Variants in ACADVL observed in about 807,000 individuals in gnomAD.
ACADVL encodes acyl-CoA dehydrogenase very long chain.
A neutral mutation model predicts 80.4 loss-of-function variants in ACADVL; 73 were observed. That is an observed-to-expected ratio of 0.91 (90% CI 0.75 to 1.10). The LOEUF is 1.10. Ranked by LOEUF, ACADVL falls within the 50% of genes least tolerant of loss-of-function variation. The probability of loss-of-function intolerance (pLI) is 0.00; values close to 1 mark genes in which losing one functional copy is unlikely to be tolerated. For missense variants in ACADVL, 878 were observed against 858.9 expected (o/e 1.02, Z -0.28); for synonymous variants, 392 against 326.5 (o/e 1.20, Z -2.16).
chr17:7,223,014 G>C, intron 10 of ACADVL, 119 bp from the exon 11 acceptor site: 1 of 1,442,824 alleles, frequency 6.9e-7, no homozygotes, highest in Non-Finnish European at 9.7e-7. Flanking sequence ...TCTCCATCCA[G>C]CGTAGACTGA....
At chr17:7,218,382 C>G, upstream of ACADVL, 1 of 1,439,786 alleles carries the variant, frequency 6.9e-7, no homozygotes, top group South Asian at 1.2e-5. Context: ...GGGAGGAGCC[C>G]TTTCAGCCAA....
intron 10 of ACADVL, 124 bp from the exon 11 acceptor site, chr17:7,223,005 CTCCA>C (rs1216345762): frequency 7.0e-7 from 1 of 1,436,084 alleles, no homozygotes; most frequent in Admixed American, 1.7e-5. Context: ...TAGCTTAGGT[CTCCA>C]TCCAGCGTAG....
upstream of ACADVL, chr17:7,217,679 G>T (rs980177734): frequency 3.4e-6 from 5 of 1,472,540 alleles, no homozygotes; most frequent in Non-Finnish European, 4.5e-6. Flanking sequence ...GAATGGGGGG[G>T]GTGCCTTGGC....
At position 7,224,129 on chromosome 17, in the gene ACADVL, A is replaced by G; in HGVS notation, c.1435-17A>G. 1 of 1,613,678 alleles carries G rather than the reference A, an allele frequency of 6.2e-7. No individual in the cohort carries two copies. Among genetic ancestry groups the G allele is most frequent in the Non-Finnish European group, 8.5e-7 (1 of 1,179,856 alleles). On this transcript the variant is annotated splice_polypyrimidine_tract_variant and intron_variant, in intron 14 of 19. Transcript: ENST00000356839. ...GAGGACAGTGAGTCCTGACTGCTGGACCCTCTTCCCCCATAGGACAAAGGA... is the reference window on the plus strand; with the variant it reads ...GAGGACAGTGAGTCCTGACTGCTGGGCCCTCTTCCCCCATAGGACAAAGGA...
upstream of ACADVL, chr17:7,218,303 G>A (rs2071027423): frequency 1.2e-6 from 2 of 1,604,140 alleles, no homozygotes; most frequent in Non-Finnish European, 1.7e-6. Flanking sequence ...ACAGAACTGA[G>A]TTACCTCCCC....
upstream of ACADVL, chr17:7,219,780 G>A (rs559165545): frequency 5.6e-5 from 83 of 1,495,036 alleles, no homozygotes; most frequent in East Asian, 1.7e-3. Context: ...GGAGACGAGG[G>A]ACGCTTGGAG....
chr17:7,224,794 C>G lies in ACADVL; in HGVS notation c.1752-15C>G. ...AGCCGGCCCAGATTTATTTTCATCT[C>G]CTGCTTCCTGCCAGGGCCTCAAGAT... On this transcript the variant is annotated splice_polypyrimidine_tract_variant and intron_variant, in intron 18 of 19. Transcript: ENST00000356839. 6.2e-7 allele frequency: 1 copy of G among 1,614,044 alleles called. No individual in the cohort carries two copies. Among genetic ancestry groups the G allele is most frequent in the East Asian group, 2.2e-5 (1 of 44,886 alleles).
rs772898391 is a variant in ACADVL at position 7,221,984 on chromosome 17, C to A, written c.655C>A (p.Pro219Thr). Reference sequence around the variant, plus strand: ...TGTGGCCGCTTTCTGTCTAACCGAGCCCTCAAGCGGGTCAGATGCAGCCTC... The same window carrying A: ...TGTGGCCGCTTTCTGTCTAACCGAGACCTCAAGCGGGTCAGATGCAGCCTC... Reference protein sequence around the residue: ...ETVAAFCLTEPSSGSDAASIR... With the variant: ...ETVAAFCLTETSSGSDAASIR... Residue 219 changes from proline (P) to threonine (T), a missense_variant, in exon 8 of 20, where the codon CCC becomes ACC. Coordinates refer to ENST00000356839, the MANE Select transcript of ACADVL (RefSeq NM_000018.4). 1.2e-5 allele frequency: 20 copies of A among 1,614,012 alleles called. No individual in the cohort carries two copies. Among genetic ancestry groups the A allele is most frequent in the Non-Finnish European group, 1.1e-5 (13 of 1,180,020 alleles).
At chr17:7,222,987 C>T (rs1190416210) in intron 10 of ACADVL, 122 bp downstream of exon 10, 13 of 1,452,092 alleles carry the variant, frequency 9.0e-6, no homozygotes, top group Middle Eastern at 2.4e-4. Flanking sequence ...ACCAGCAGCC[C>T]GACTTGCTAG....
At chr17:7,222,982 C>G in intron 10 of ACADVL, 117 bp downstream of exon 10, 1 of 1,456,094 alleles carries the variant, frequency 6.9e-7, no homozygotes, top group Non-Finnish European at 9.5e-7. Flanking sequence ...CCCCTACCAG[C>G]AGCCCGACTT....
Position 7,223,989 on chromosome 17 carries a change from C to T in ACADVL, c.1354C>T (p.Leu452Phe). 2.5e-6 allele frequency: 4 copies of T among 1,614,104 alleles called. No homozygotes were observed. The highest frequency in any genetic ancestry group is 3.4e-6 in the Non-Finnish European group (4 of 1,180,022). ...FMKEPGVERV[L>F]RDLRIFRIFE... ...CTAGGAACCTGGAGTAGAGCGTGTG[C>T]TCCGAGATCTTCGCATCTTCCGGAT... Residue 452 changes from leucine (L) to phenylalanine (F), a missense_variant, in exon 14 of 20, where the codon CTC becomes TTC. Coordinates refer to ENST00000356839, the MANE Select transcript of ACADVL (RefSeq NM_000018.4).
chr17:7,217,370 A>C, upstream of ACADVL: 1 of 72,390 alleles, frequency 1.4e-5, no homozygotes, highest in Non-Finnish European at 2.1e-5. Flanking sequence ...TCCCCAGTGG[A>C]GGGGAGGGGG....
Position 7,220,989 on chromosome 17 carries a change from C to T in ACADVL, c.408C>T (p.Leu136=). ...TGGAGGAGACCACTTGGCAGGGCCTCAAGGAGCTGGGGGCCTTTGGTCTGC... is the reference window on the plus strand; with the variant it reads ...TGGAGGAGACCACTTGGCAGGGCCTTAAGGAGCTGGGGGCCTTTGGTCTGC... ...EMVEETTWQG[L]KELGAFGLQV... Residue 136 remains leucine, a synonymous_variant, in exon 6 of 20, where the codon CTC becomes CTT. Coordinates refer to ENST00000356839, the MANE Select transcript of ACADVL (RefSeq NM_000018.4). 6.2e-7 allele frequency: 1 copy of T among 1,614,058 alleles called. No individual in the cohort carries two copies. The highest frequency in any genetic ancestry group is 1.1e-5 in the South Asian group (1 of 91,078).
Position 7,220,467 on chromosome 17 carries a change from G to A in ACADVL, c.142G>A (p.Ala48Thr), listed in dbSNP as rs769865745. The change falls in exon 3 of 20, where the codon GCT becomes ACT. Residue 48 changes from alanine to threonine, a missense_variant. Coordinates refer to ENST00000356839, the MANE Select transcript of ACADVL (RefSeq NM_000018.4). ...TGCTAACCGTCTCTTTTCCCAGCTG[G>A]CTCTGGACAAGTCAGATTCCCACCC... ...RPYAGGAAQL[A>T]LDKSDSHPSD... 2 of 1,614,096 alleles carry A rather than the reference G, an allele frequency of 1.2e-6. No individual in the cohort carries two copies. Among genetic ancestry groups the A allele is most frequent in the Non-Finnish European group, 1.7e-6 (2 of 1,180,056 alleles).
At chr17:7,218,668 G>A (rs1240443874), upstream of ACADVL, 2 of 1,551,432 alleles carry the variant, frequency 1.3e-6, no homozygotes, top group East Asian at 4.8e-5. Context: ...AATTGGGACA[G>A]GGAAGATGCC....
At chr17:7,218,781 C>A, upstream of ACADVL, 2 of 1,610,688 alleles carry the variant, frequency 1.2e-6, no homozygotes, top group Non-Finnish European at 1.7e-6. Flanking sequence ...GAGCCCCAGC[C>A]CCCCACTTCG....
At chr17:7,217,220 G>A (rs2070960061), upstream of ACADVL, 2 of 1,257,684 alleles carry the variant, frequency 1.6e-6, no homozygotes, top group Non-Finnish European at 2.0e-6. Flanking sequence ...CCCTCCGTGG[G>A]TTCTCACCCC....
At chr17:7,217,956 TG>T, upstream of ACADVL, 1 of 835,164 alleles carries the variant, frequency 1.2e-6, no homozygotes, top group South Asian at 1.7e-5. Flanking sequence ...AGGCAATCCC[TG>T]GGGGCCTAGT....
chr17:7,218,277 G>A (rs768526024), upstream of ACADVL: 2 of 1,609,062 alleles, frequency 1.2e-6, no homozygotes, highest in Non-Finnish European at 8.5e-7. Flanking sequence ...AATAGTCCAG[G>A]ATGTCTGTCA....
Sources: gnomAD v4.1 joint callset for allele counts on GRCh38, gnomAD v4.1.1 for gene constraint, MANE v1.5 for transcripts, NCBI Gene and HGNC (gene_info 2026-07-23, HGNC 2026-07-21) for gene names.